The following MORC2 variants were observed in gnomAD, a reference collection of about 807,000 sequenced individuals.
MORC2 encodes MORC family CW-type zinc finger 2.
A neutral mutation model predicts 136.0 loss-of-function variants in MORC2; 30 were observed. The observed-to-expected ratio is 0.22, with a 90% confidence interval of 0.17 to 0.30. The LOEUF (loss-of-function observed/expected upper bound fraction) is 0.30, where lower values mean the gene tolerates loss of function less well. Among genes scored for constraint, MORC2 ranks in the 10% least tolerant of loss-of-function variants. MORC2 has a pLI of 1.00. For synonymous variants in MORC2, 439 were observed against 487.0 expected, an observed-to-expected ratio of 0.90 and a Z score of 1.30; for missense variants, 922 against 1,333.1, an observed-to-expected ratio of 0.69 and a Z score of 4.80.
Position 30,932,581 on chromosome 22 carries a change from T to C in MORC2, c.2711A>G (p.Asn904Ser), listed in dbSNP as rs1042426757. ...IEPDTTALSTNHETIDLLVQI... is the reference protein window; with the variant it reads ...IEPDTTALSTSHETIDLLVQI... Reference sequence around the variant, plus strand: ...GACAAGCAGGTCGATGGTCTCGTGATTGGTGCTCAGGGCAGTGGTGTCAGG... The same window carrying C: ...GACAAGCAGGTCGATGGTCTCGTGACTGGTGCTCAGGGCAGTGGTGTCAGG... The change falls in exon 23 of 26, where the codon AAT (asparagine) becomes AGT (serine). Residue 904 changes from asparagine (N) to serine (S), a missense_variant. Physicochemically the swap from Asn to Ser is conservative, Grantham distance 46. Transcript: ENST00000397641. This position sits in a 1 kb window ranked among gnomAD's most constrained non-coding sequence, Gnocchi z 4.4. The C allele has an allele frequency of 3.1e-5, 50 of 1,613,974 alleles. No individual in the cohort carries two copies. The Middle Eastern group carries it at 4.9e-4, about 16-fold the overall frequency.
At position 30,940,162 on chromosome 22, in the gene MORC2, G is replaced by A. The variant is rs739896; in HGVS notation, c.905-121C>T. On this transcript the variant is annotated intron_variant, in intron 10 of 25. Coordinates refer to ENST00000397641, the MANE Select transcript of MORC2 (RefSeq NM_001303256.3). ...CCACCAAGGAAAAAAAGAGTAGGGGGAGCTATGGCTGGTGAGCAATGTGAG... is the reference window on the plus strand; with the variant it reads ...CCACCAAGGAAAAAAAGAGTAGGGGAAGCTATGGCTGGTGAGCAATGTGAG... 0.33 allele frequency: 315,834 copies of A among 961,882 alleles called. 55,532 individuals are homozygous for A. Among genetic ancestry groups the A allele is most frequent in the East Asian group, 0.53 (20,111 of 37,902 alleles). 59.6% of individuals were successfully genotyped at this position (961,882 alleles called of 1,614,324 possible).
intron 3 of MORC2, among the ~76,000 whole-genome samples, chr22:30,952,479 C>A (rs1429248720): frequency 6.6e-6 from 1 of 152,222 alleles, no homozygotes; most frequent in Non-Finnish European, 1.5e-5. Flanking sequence ...GTATCCTTTT[C>A]TGGCTCAAGG....
At chr22:30,930,835 C>T (rs1218836123) in intron 24 of MORC2, among the ~76,000 whole-genome samples, 1 of 152,190 alleles carries the variant, frequency 6.6e-6, no homozygotes, top group Non-Finnish European at 1.5e-5. Flanking sequence ...CCTCCCCCTC[C>T]CTCCAAGTGC....
intron 1 of MORC2, among the ~76,000 whole-genome samples, chr22:30,962,957 A>G (rs2041071272): frequency 6.6e-6 from 1 of 152,208 alleles, no homozygotes; most frequent in African/African-American, 2.4e-5. Context: ...CATTTGGGAT[A>G]GAGTAAACAT....
rs755216417 is a variant in MORC2, at chr22:30,937,631, G to A, written c.1450C>T (p.Arg484Cys). The A allele has an allele frequency of 5.6e-6, 9 of 1,613,774 alleles. No homozygotes were observed. The highest frequency in any genetic ancestry group is 3.3e-5 in the Admixed American group (2 of 60,012). The part of the protein sequence containing the change: ...NWNQPPSSEL[R>C]YKRRRAMEIP... ...TCCATAGCTCTCCGGCGTTTGTAACGCAGCTCACTGGATGGGGGCTGGTTC... is the reference window on the plus strand; with the variant it reads ...TCCATAGCTCTCCGGCGTTTGTAACACAGCTCACTGGATGGGGGCTGGTTC... The change falls in exon 15 of 26, where the codon CGT (arginine) becomes TGT (cysteine). Residue 484 changes from arginine (R) to cysteine (C), a missense_variant. Physicochemically the swap from Arg to Cys is radical, Grantham distance 180. This residue lies in a region of MORC2 where 119 missense variants were observed against 202.7 expected (regional missense o/e 0.59). Coordinates refer to ENST00000397641, the MANE Select transcript of MORC2 (RefSeq NM_001303256.3). The surrounding 1 kb of genome is among the most constrained non-coding windows in gnomAD (Gnocchi z 4.7).
chr22:30,932,168 A>G lies in MORC2; in HGVS notation c.2841+191T>C. ...TGCACACCAGAGTCATATCCAGCTA[A>G]GCCAATTTTTTTCCCACATCATAAA... is the stretch of plus-strand genomic sequence containing the variant. On this transcript the variant is annotated intron_variant, in intron 24 of 25. Transcript: ENST00000397641. The surrounding 1 kb of genome is among the most constrained non-coding windows in gnomAD (Gnocchi z 4.4). The G allele has an allele frequency of 1.7e-6, 1 of 591,938 alleles. No homozygotes were observed. The highest frequency in any genetic ancestry group is 2.9e-6 in the Non-Finnish European group (1 of 341,064). The allele number at this position is 591,938 out of a possible 1,614,324, so 36.7% of individuals were successfully genotyped here.
chr22:30,967,713 G>A (rs77364173), intron 1 of MORC2, 109 bp downstream of exon 1: 31,232 of 1,517,552 alleles, frequency 0.021, 434 homozygotes, highest in Non-Finnish European at 0.024. Flanking sequence ...TCACTCCAGT[G>A]GGATACATCT....
At chr22:30,933,064 C>T in intron 21 of MORC2, 34 bp from the exon 22 acceptor site, 1 of 1,611,644 alleles carries the variant, frequency 6.2e-7, no homozygotes, top group South Asian at 1.1e-5. Flanking sequence ...AGTCAGAAAA[C>T]TAGCGTAGAG....
At chr22:30,956,617 C>G (rs2040971391) in intron 3 of MORC2, 146 bp downstream of exon 3, 1 of 670,958 alleles carries the variant, frequency 1.5e-6, no homozygotes, top group South Asian at 2.1e-5. Flanking sequence ...CTGACTACGG[C>G]TGCCCCTTTT....
At chr22:30,928,247 C>T in intron 24 of MORC2, 40 bp from the exon 25 acceptor site, 1 of 1,607,376 alleles carries the variant, frequency 6.2e-7, no homozygotes, top group Non-Finnish European at 8.5e-7. Context: ...TGTAAGTTCA[C>T]AGGGGTCCCC....
intron 5 of MORC2, among the ~76,000 whole-genome samples, chr22:30,949,008 A>G (rs1054957801): frequency 6.6e-6 from 1 of 152,172 alleles, no homozygotes; most frequent in Admixed American, 6.5e-5. Context: ...ACCCTCCCTC[A>G]AACAAAACAA....
chr22:30,945,423 G>A (rs1002382423), intron 6 of MORC2, among the ~76,000 whole-genome samples: 1 of 152,214 alleles, frequency 6.6e-6, no homozygotes, highest in African/African-American at 2.4e-5. Flanking sequence ...CAACACAGAT[G>A]AATTAAATTG....
intron 1 of MORC2, among the ~76,000 whole-genome samples, chr22:30,961,409 CA>C (rs1365374707): frequency 2.0e-5 from 3 of 152,154 alleles, no homozygotes; most frequent in Admixed American, 2.0e-4. Context: ...CATTTGGTTT[CA>C]AACTTTCAAC....
chr22:30,933,597 G>A, intron 20 of MORC2, 77 bp from the exon 21 acceptor site: 1 of 1,435,002 alleles, frequency 7.0e-7, no homozygotes. Flanking sequence ...GCCACCCGGG[G>A]TCATCAGCCA....
intron 2 of MORC2, among the ~76,000 whole-genome samples, chr22:30,958,233 G>C (rs963958549): frequency 2.0e-5 from 3 of 152,206 alleles, no homozygotes; most frequent in Admixed American, 1.3e-4. Flanking sequence ...AGAAGACACA[G>C]AACTTTGGCA....
intron 3 of MORC2, among the ~76,000 whole-genome samples, chr22:30,953,987 T>C (rs1182617917): frequency 6.6e-6 from 1 of 152,126 alleles, no homozygotes; most frequent in Non-Finnish European, 1.5e-5. Context: ...CCCCATGAAC[T>C]AACAACAAGA....
intron 5 of MORC2, among the ~76,000 whole-genome samples, chr22:30,946,773 C>G (rs544371843): frequency 2.6e-5 from 4 of 152,164 alleles, no homozygotes; most frequent in Admixed American, 1.3e-4. Context: ...TCACTCCCCC[C>G]ACAACGCTGA....
intron 3 of MORC2, among the ~76,000 whole-genome samples, chr22:30,953,452 C>T (rs1165444430): frequency 2.0e-5 from 3 of 152,184 alleles, no homozygotes; most frequent in Non-Finnish European, 4.4e-5. Context: ...ATCTAACTCC[C>T]ACTGGGAAGA....
rs141171446 is a variant in MORC2, at chr22:30,946,368, C to T, written c.399G>A (p.Thr133=). The T allele has an allele frequency of 7.0e-5, 113 of 1,609,210 alleles. No individual in the cohort carries two copies. The highest frequency in any genetic ancestry group is 3.3e-4 in the Middle Eastern group (2 of 6,050). The change falls in exon 6 of 26, where the codon ACG becomes ACA. Residue 133 remains threonine (T), a synonymous_variant. Coordinates refer to ENST00000397641, the MANE Select transcript of MORC2 (RefSeq NM_001303256.3). The stretch of plus-strand genomic sequence containing the variant: ...CATCAATGCCTTCTTCCTCATGAAA[C>T]GTGCGAGACAGGAAGAGGCAGGTCA... ...DTMTCLFLSR[T]FHEEEGIDEV...
Sources: gnomAD v4.1 joint callset for allele counts (sites outside exome capture counted in the v4.1 genomes callset) on GRCh38, gnomAD v4.1.1 for gene constraint, gnomAD v4.1.1 regional missense constraint, Gnocchi (gnomAD v3.1) non-coding constraint, MANE v1.5 for transcripts, NCBI Gene and HGNC (gene_info 2026-07-23, HGNC 2026-07-21) for gene names.